Variants in BRSK2 observed in about 807,000 individuals in gnomAD.
The protein encoded by BRSK2 is serine/threonine-protein kinase BRSK2.
BRSK2 carries 19 observed loss-of-function variants against 83.3 expected under a neutral mutation model. The observed-to-expected ratio is 0.23, with a 90% confidence interval of 0.16 to 0.33. The LOEUF (loss-of-function observed/expected upper bound fraction) is 0.33. Ranked by LOEUF, BRSK2 falls within the 10% of genes least tolerant of loss-of-function variation. The probability of loss-of-function intolerance (pLI) is 1.00; values close to 1 mark genes in which losing one functional copy is unlikely to be tolerated. For missense variants in BRSK2, 798 were observed against 1,042.3 expected (o/e 0.77, Z 3.23); for synonymous variants, 519 against 435.4 (o/e 1.19, Z -2.39).
At position 1,456,443 on chromosome 11, in the gene BRSK2, G is replaced by A. The variant is rs752763788; in HGVS notation, c.1764G>A (p.Lys588=). ...CAGCCGTGTTCCAGAAGCCGGTCAA[G>A]TTCCAGGTTGATATCACCTACACGG... ...GGPAVFQKPV[K]FQVDITYTEG... The change falls in exon 17 of 20, where the codon AAG becomes AAA. Residue 588 remains lysine, a synonymous_variant. Coordinates refer to ENST00000528841, the MANE Select transcript of BRSK2 (RefSeq NM_001256627.2). 20 of 1,591,108 alleles carry A rather than the reference G, an allele frequency of 1.3e-5. No individual in the cohort carries two copies. The East Asian group carries it at 2.0e-4, about 16-fold the overall frequency.
At chr11:1,420,361 G>A (rs1848531548) in intron 1 of BRSK2, among the ~76,000 whole-genome samples, 1 of 152,210 alleles carries the variant, frequency 6.6e-6, no homozygotes, top group Non-Finnish European at 1.5e-5. Flanking sequence ...GCTCCAGGGT[G>A]TCTGCAGCCC....
intron 1 of BRSK2, chr11:1,411,669 C>T (rs80054075): frequency 0.017 from 26,275 of 1,533,018 alleles, 294 homozygotes; most frequent in Middle Eastern, 0.024. Flanking sequence ...CAGGGCCCCT[C>T]GAGGGAGGAG....
In BRSK2 at chr11:1,445,382, G is replaced by A. The variant is rs751321340; in HGVS notation, c.901G>A (p.Asp301Asn). 6 of 1,611,890 alleles carry A rather than the reference G, an allele frequency of 3.7e-6. No individual in the cohort carries two copies. Among genetic ancestry groups the A allele is most frequent in the South Asian group, 1.1e-5 (1 of 90,914 alleles). ...GCCCAGCCTGGAGGACATCGACCCC[G>A]ACGTGCTGGACAGCATGCACTCACT... The part of the protein sequence containing the change: ...SLPSLEDIDP[D>N]VLDSMHSLGC... The change falls in exon 10 of 20, where the codon GAC becomes AAC. Residue 301 changes from aspartate to asparagine, a missense_variant. By Grantham distance (23) the Asp-to-Asn change is conservative (BLOSUM62 1). This residue lies in a region of BRSK2 where 145 missense variants were observed against 225.4 expected (regional missense o/e 0.64). Transcript: ENST00000528841.
intron 1 of BRSK2, among the ~76,000 whole-genome samples, chr11:1,414,599 ATT>A (rs1179195364): frequency 1.3e-5 from 2 of 152,206 alleles, no homozygotes; most frequent in Non-Finnish European, 2.9e-5. Context: ...AGTAGACTGA[ATT>A]TTTTTAATTA....
Position 1,449,608 on chromosome 11 carries a change from C to T in BRSK2, c.1227-168C>T, listed in dbSNP as rs189437623. On this transcript the variant is annotated intron_variant, in intron 12 of 19. Coordinates refer to ENST00000528841, the MANE Select transcript of BRSK2 (RefSeq NM_001256627.2). ...CAGTGGGGCTGGGCACAGCCAGGCG[C>T]CCTGGGCCCTCCTGAATTGACAGGG... is the stretch of plus-strand genomic sequence containing the variant. 3.6e-3 allele frequency among the ~76,000 whole-genome samples: 552 copies of T among 152,212 alleles called. 2 individuals are homozygous for T. Among genetic ancestry groups the T allele is most frequent in the Non-Finnish European group, 4.8e-3 (328 of 67,974 alleles).
chr11:1,395,511 A>G (rs1421657176), intron 1 of BRSK2, among the ~76,000 whole-genome samples: 2 of 152,174 alleles, frequency 1.3e-5, no homozygotes, highest in Admixed American at 6.5e-5. Context: ...GGCCCTTGGC[A>G]CAGAGGTTCC....
At chr11:1,428,500 G>C (rs938583632) in intron 1 of BRSK2, among the ~76,000 whole-genome samples, 4 of 152,238 alleles carry the variant, frequency 2.6e-5, no homozygotes, top group Admixed American at 6.5e-5. Context: ...AGGGGTGAAG[G>C]GGCCCCACTC....
At chr11:1,459,545 C>A in intron 19 of BRSK2, 1 of 426,994 alleles carries the variant, frequency 2.3e-6, no homozygotes, top group Non-Finnish European at 4.3e-6. Context: ...CCCACTGGTG[C>A]AGGCTGTGGC....
chr11:1,435,107 T>G (rs1850107225), intron 1 of BRSK2, among the ~76,000 whole-genome samples: 1 of 150,628 alleles, frequency 6.6e-6, no homozygotes, highest in African/African-American at 2.4e-5. Context: ...TGCCGGGCCG[T>G]GGAGGTCTAG....
At chr11:1,403,994 G>T (rs1284037263) in intron 1 of BRSK2, among the ~76,000 whole-genome samples, 2 of 152,142 alleles carry the variant, frequency 1.3e-5, no homozygotes, top group Non-Finnish European at 2.9e-5. Context: ...GGTGAGCCTG[G>T]CCTGGAGTTG....
chr11:1,437,315 A>G (rs2133025841), intron 2 of BRSK2, among the ~76,000 whole-genome samples: 1 of 152,254 alleles, frequency 6.6e-6, no homozygotes, highest in East Asian at 1.9e-4. Context: ...CTGGGACCCC[A>G]TCACAAGACT....
chr11:1,408,217 T>G (rs949609176), intron 1 of BRSK2, among the ~76,000 whole-genome samples: 4 of 152,210 alleles, frequency 2.6e-5, no homozygotes, highest in African/African-American at 9.6e-5. Flanking sequence ...CTGCTGGAGC[T>G]TTCTCTTGGC....
At chr11:1,443,745 T>C in intron 8 of BRSK2, 110 bp downstream of exon 8, 2 of 1,335,716 alleles carry the variant, frequency 1.5e-6, no homozygotes, top group Non-Finnish European at 2.0e-6. Context: ...CACCCAGGTG[T>C]GTGGGTCGGT....
chr11:1,411,617 G>A, intron 1 of BRSK2: 1 of 1,561,476 alleles, frequency 6.4e-7, no homozygotes, highest in African/African-American at 1.4e-5. Flanking sequence ...GGCTCTGCCT[G>A]CAGCCCAGCC....
In BRSK2 at chr11:1,443,419, C is replaced by T; in HGVS notation, c.633+16C>T. 2 of 1,595,078 alleles carry T rather than the reference C, an allele frequency of 1.3e-6. No homozygotes were observed. The highest frequency in any genetic ancestry group is 1.7e-6 in the Non-Finnish European group (2 of 1,171,498). The stretch of plus-strand genomic sequence containing the variant: ...CTTGCTGGTGGTGAGACCCTGGCCC[C>T]CTCAACCCTGCCCTGGCCTCTCCCC... On this transcript the variant is annotated intron_variant, in intron 7 of 19. Transcript: ENST00000528841.
intron 1 of BRSK2, among the ~76,000 whole-genome samples, chr11:1,429,384 T>C (rs560062803): frequency 6.6e-6 from 1 of 150,850 alleles, no homozygotes; most frequent in East Asian, 2.0e-4. Context: ...CATGGGTGTG[T>C]GTGCACTGAG....
In BRSK2 at chr11:1,443,346, T is replaced by C. The variant is rs967834604; in HGVS notation, c.576T>C (p.Tyr192=). The C allele has an allele frequency of 1.2e-6, 2 of 1,608,180 alleles. No individual in the cohort carries two copies. Among genetic ancestry groups the C allele is most frequent in the Non-Finnish European group, 1.7e-6 (2 of 1,178,346 alleles). ...ACPEVIRGEK[Y]DGRKADVWSC... Reference sequence around the variant, plus strand: ...ACTGCTGTCCACAGGGGGAGAAGTATGACGGCCGGAAGGCGGACGTGTGGA... The same window carrying C: ...ACTGCTGTCCACAGGGGGAGAAGTACGACGGCCGGAAGGCGGACGTGTGGA... The change falls in exon 7 of 20, where the codon TAT becomes TAC. Residue 192 remains tyrosine, a synonymous_variant. Coordinates refer to ENST00000528841, the MANE Select transcript of BRSK2 (RefSeq NM_001256627.2).
In BRSK2 at chr11:1,454,388, T is replaced by C; in HGVS notation, c.1545-97T>C. The C allele has an allele frequency of 1.4e-6, 2 of 1,433,252 alleles. No homozygotes were observed. The highest frequency in any genetic ancestry group is 1.2e-5 in the South Asian group (1 of 82,730). 88.8% of individuals were successfully genotyped at this position (1,433,252 alleles called of 1,614,324 possible). ...GACAGCCGTTTCTATCACGAAGCGA[T>C]GGAAGATTCCGCCGTTCCAACCCCA... is the stretch of plus-strand genomic sequence containing the variant. On this transcript the variant is annotated intron_variant, in intron 15 of 19. Coordinates refer to ENST00000528841, the MANE Select transcript of BRSK2 (RefSeq NM_001256627.2). The surrounding 1 kb of genome is among the most constrained non-coding windows in gnomAD (Gnocchi z 5.2).
At chr11:1,410,981 G>A (rs1028701692) in intron 1 of BRSK2, 2 of 982,638 alleles carry the variant, frequency 2.0e-6, no homozygotes, top group Non-Finnish European at 2.4e-6. Context: ...GCCCCGCTGA[G>A]GGGGGCAGGA....
Sources: gnomAD v4.1 joint callset for allele counts (sites outside exome capture counted in the v4.1 genomes callset) on GRCh38, gnomAD v4.1.1 for gene constraint, gnomAD v4.1.1 regional missense constraint, Gnocchi (gnomAD v3.1) non-coding constraint, MANE v1.5 for transcripts, NCBI Gene and HGNC (gene_info 2026-07-23, HGNC 2026-07-21) for gene names.